RNASEH2B: variants seen among roughly 807,000 people sequenced by gnomAD.
RNASEH2B encodes Aicardi-Goutieres syndrome 2 protein.
A neutral mutation model predicts 45.0 loss-of-function variants in RNASEH2B; 36 were observed. The observed-to-expected ratio is 0.80, with a 90% CI of 0.61 to 1.06. The LOEUF is 1.06. RNASEH2B is among the 50% of genes least tolerant of loss of function. The probability of loss-of-function intolerance (pLI) is 0.00; values close to 1 mark genes in which losing one functional copy is unlikely to be tolerated. For missense variants in RNASEH2B, 361 were observed against 360.3 expected (o/e 1.00, Z -0.02); for synonymous variants, 119 against 125.7 (o/e 0.95, Z 0.35).
chr13:50,933,404 G>A (rs905192115), intron 4 of RNASEH2B, among the ~76,000 whole-genome samples: 13 of 152,128 alleles, frequency 8.5e-5, no homozygotes, highest in South Asian at 6.2e-4. Flanking sequence ...ATTTTAAACC[G>A]TCGTACTTCC....
chr13:50,929,511 A>G lies in RNASEH2B; in HGVS notation c.173A>G (p.Gln58Arg), dbSNP rs759251667. The G allele has an allele frequency of 2.5e-5, 40 of 1,613,798 alleles. No homozygotes were observed. In the East Asian group the frequency reaches 8.0e-4, roughly 32 times the overall value. Reference sequence around the variant, plus strand: ...ATTTACTTGTTCAATATGTGTCTACAGCAGCTGTTTGAAGTAAAAGTTTTC... The same window carrying G: ...ATTTACTTGTTCAATATGTGTCTACGGCAGCTGTTTGAAGTAAAAGTTTTC... ...GAIYLFNMCL[Q>R]QLFEVKVFKE... Residue 58 changes from glutamine to arginine, a missense_variant, in exon 3 of 11, where the codon CAG (glutamine) becomes CGG (arginine). Coordinates refer to ENST00000336617, the MANE Select transcript of RNASEH2B (RefSeq NM_024570.4).
chr13:50,930,962 C>T, intron 4 of RNASEH2B: 1 of 578,800 alleles, frequency 1.7e-6, no homozygotes, highest in Non-Finnish European at 3.1e-6. Flanking sequence ...TACTCTTGAT[C>T]CAGTCTGACC....
At chr13:50,963,264 A>G (rs1403682871) in intron 9 of RNASEH2B, among the ~76,000 whole-genome samples, 1 of 152,152 alleles carries the variant, frequency 6.6e-6, no homozygotes, top group Non-Finnish European at 1.5e-5. Context: ...TCCCGGGTTC[A>G]AGTGATTCAC....
rs901176426 is a variant in RNASEH2B, at chr13:50,922,660, G to A, written c.65-4747G>A. On this transcript the variant is annotated intron_variant, in intron 1 of 10. Transcript: ENST00000336617. ...ACAACTGCAATAACTACAAAAAACAGCAATAACAAATCCTGGGGAGTTGGG... is the reference window on the plus strand; with the variant it reads ...ACAACTGCAATAACTACAAAAAACAACAATAACAAATCCTGGGGAGTTGGG... Among the ~76,000 whole-genome samples the A allele has an allele frequency of 5.3e-5, 8 of 152,300 alleles. No homozygotes were observed. In the South Asian group the frequency reaches 1.5e-3, roughly 28 times the overall value.
At chr13:50,914,326 G>A (rs981938518) in intron 1 of RNASEH2B, among the ~76,000 whole-genome samples, 2 of 152,284 alleles carry the variant, frequency 1.3e-5, no homozygotes, top group Non-Finnish European at 2.9e-5. Flanking sequence ...AGAAATATAC[G>A]TGAGGGCCGA....
At chr13:50,954,142 T>C (rs891576449) in intron 10 of RNASEH2B, 157 bp downstream of exon 10, 14 of 681,886 alleles carry the variant, frequency 2.1e-5, no homozygotes. Flanking sequence ...GAATTGCATA[T>C]GACAATGAAA....
At chr13:50,968,232 C>CAAA (rs1192991250) in intron 9 of RNASEH2B, among the ~76,000 whole-genome samples, 2 of 145,200 alleles carry the variant, frequency 1.4e-5, no homozygotes, top group Non-Finnish European at 3.0e-5. Flanking sequence ...ACTGTTTCTA[C>CAAA]AAAAAAAAAA....
At chr13:50,960,055 GT>G, downstream of RNASEH2B, 2 of 459,112 alleles carry the variant, frequency 4.4e-6, no homozygotes, top group Non-Finnish European at 7.0e-6. Flanking sequence ...CTAATGTTCG[GT>G]TCTTCATCTT....
At position 50,954,177 on chromosome 13, in the gene RNASEH2B, T is replaced by A; in HGVS notation, c.822+192T>A. ...AATGTTAAGCAACTAAGACTTATTA[T>A]TAGTCAGAGAAAAACAATATACTAC... On this transcript the variant is annotated intron_variant, in intron 10 of 10. Transcript: ENST00000336617. The A allele has an allele frequency of 1.3e-5, 8 of 639,496 alleles. No homozygotes were observed. The South Asian group carries it at 1.5e-4, about 12-fold the overall frequency. The allele number at this position is 639,496 out of a possible 1,614,324, so 39.6% of individuals were successfully genotyped here. A position where few individuals can be genotyped will look rare whatever the true frequency, so the allele number is the denominator to read the frequency against.
In RNASEH2B at chr13:50,919,139, A is replaced by T. The variant is rs949072288; in HGVS notation, c.65-8268A>T. ...AAAATCACTTGTCTTGTGTCTTTGA[A>T]CTTTAAATGCAGTGAAAAAACTTGT... On this transcript the variant is annotated intron_variant, in intron 1 of 10. Transcript: ENST00000336617. 2.0e-5 allele frequency among the ~76,000 whole-genome samples: 3 copies of T among 152,214 alleles called. No homozygotes were observed. In the East Asian group the frequency reaches 5.8e-4, roughly 29 times the overall value.
intron 10 of RNASEH2B, 79 bp downstream of exon 10, chr13:50,954,064 G>C: frequency 1.2e-6 from 1 of 858,970 alleles, no homozygotes; most frequent in Non-Finnish European, 2.0e-6. Context: ...ACAGTTGCAC[G>C]CTTGATTGTG....
chr13:50,924,489 C>T (rs1423102238), intron 1 of RNASEH2B, among the ~76,000 whole-genome samples: 1 of 152,152 alleles, frequency 6.6e-6, no homozygotes, highest in Non-Finnish European at 1.5e-5. Flanking sequence ...TACATGCACC[C>T]AATGACAGAG....
downstream of RNASEH2B, chr13:50,956,778 G>A: frequency 9.4e-7 from 1 of 1,059,498 alleles, no homozygotes; most frequent in Admixed American, 4.8e-5. Context: ...GTGTATGACT[G>A]CTTTTTAATG....
intron 1 of RNASEH2B, among the ~76,000 whole-genome samples, chr13:50,926,155 ATT>A (rs71672116): frequency 0.47 from 70,428 of 149,930 alleles, 16,896 homozygotes; most frequent in African/African-American, 0.52. Context: ...AGAAATCTCA[ATT>A]TTTTTTTTCT....
intron 4 of RNASEH2B, chr13:50,933,921 C>T (rs1951713377): frequency 6.6e-6 from 1 of 152,124 alleles, no homozygotes; most frequent in African/African-American, 2.4e-5. Context: ...ACTAGTTAAC[C>T]TAAGAGAAAG....
At chr13:50,961,300 A>G (rs943004327), downstream of RNASEH2B, among the ~76,000 whole-genome samples, 1 of 152,010 alleles carries the variant, frequency 6.6e-6, no homozygotes, top group Non-Finnish European at 1.5e-5. Context: ...TCTAACTTTC[A>G]TTTCTTCTAT....
At chr13:50,925,445 T>A (rs1188512803) in intron 1 of RNASEH2B, among the ~76,000 whole-genome samples, 2 of 152,214 alleles carry the variant, frequency 1.3e-5, no homozygotes, top group African/African-American at 4.8e-5. Flanking sequence ...TATTTTGTAT[T>A]TCTATAAAAT....
chr13:50,920,568 T>G (rs769384523), intron 1 of RNASEH2B, among the ~76,000 whole-genome samples: 5 of 152,258 alleles, frequency 3.3e-5, no homozygotes, highest in Non-Finnish European at 7.3e-5. Context: ...CTCAGTTGTC[T>G]GAGTTTTTTC....
Position 50,943,373 on chromosome 13 carries a change from A to G in RNASEH2B, c.489A>G (p.Thr163=). ...ATTACAAGTACAGCAAAGAGAAGAC[A>G]TTAAAGTGGCTGGAAAAAAAGGTAT... is the stretch of plus-strand genomic sequence containing the variant. The part of the protein sequence containing the change: ...KKYYKYSKEK[T]LKWLEKKVNQ... The change falls in exon 6 of 11, where the codon ACA becomes ACG. Residue 163 remains threonine (T), a synonymous_variant. Transcript: ENST00000336617. The G allele has an allele frequency of 6.2e-7, 1 of 1,607,010 alleles. No homozygotes were observed. Among genetic ancestry groups the G allele is most frequent in the Non-Finnish European group, 8.5e-7 (1 of 1,173,606 alleles).
Sources: gnomAD v4.1 joint callset for allele counts (sites outside exome capture counted in the v4.1 genomes callset) on GRCh38, gnomAD v4.1.1 for gene constraint, MANE v1.5 for transcripts, NCBI Gene and HGNC (gene_info 2026-07-23, HGNC 2026-07-21) for gene names.